The following JAK2 variants were observed in gnomAD, a reference collection of about 807,000 sequenced individuals.
The protein encoded by JAK2 is Janus kinase 2.
In JAK2, 86 loss-of-function variants were observed where a neutral mutation model predicts 139.3. The ratio of observed to expected loss-of-function variants is 0.62; its 90% CI spans 0.52 to 0.74. The LOEUF (loss-of-function observed/expected upper bound fraction) is 0.74. Among genes scored for constraint, JAK2 ranks in the 30% least tolerant of loss-of-function variants. The pLI is 0.00. For missense variants in JAK2, 1,421 were observed against 1,360.3 expected, an observed-to-expected ratio of 1.04 and a Z score of -0.70; for synonymous variants, 490 against 437.7, an observed-to-expected ratio of 1.12 and a Z score of -1.49.
intron 3 of JAK2, among the ~76,000 whole-genome samples, chr9:5,024,738 C>A (rs868568520): frequency 6.6e-6 from 1 of 152,172 alleles, no homozygotes; most frequent in Non-Finnish European, 1.5e-5. Context: ...TGAATATCTT[C>A]TGTGAAGCTG....
chr9:4,996,743 C>T (rs957142840), intron 2 of JAK2, among the ~76,000 whole-genome samples: 2 of 151,522 alleles, frequency 1.3e-5, no homozygotes, highest in Admixed American at 6.6e-5. Context: ...AAGTATTCTG[C>T]GATAATTGGA....
intron 22 of JAK2, among the ~76,000 whole-genome samples, chr9:5,116,529 T>C (rs57220657): frequency 0.11 from 16,263 of 152,210 alleles, 2,737 homozygotes; most frequent in African/African-American, 0.36. Context: ...ATTGTTTTTA[T>C]TGTTTTCAGA....
chr9:5,122,698 G>T, intron 22 of JAK2, among the ~76,000 whole-genome samples: 1 of 151,866 alleles, frequency 6.6e-6, no homozygotes, highest in East Asian at 1.9e-4. Flanking sequence ...GGCACTCTCC[G>T]CCTGGCACAT....
At chr9:5,034,783 G>C (rs1330590106) in intron 4 of JAK2, among the ~76,000 whole-genome samples, 8 of 152,204 alleles carry the variant, frequency 5.3e-5, no homozygotes, top group Admixed American at 3.9e-4. Context: ...ACAAGAGAAA[G>C]CAGGAAAGAT....
intron 22 of JAK2, among the ~76,000 whole-genome samples, chr9:5,118,176 T>C (rs375976813): frequency 5.9e-5 from 9 of 152,086 alleles, no homozygotes; most frequent in African/African-American, 2.2e-4. Flanking sequence ...AACAAATAAA[T>C]AGTGCAGCAA....
chr9:5,001,692 A>G (rs1268331682), intron 2 of JAK2, among the ~76,000 whole-genome samples: 1 of 151,826 alleles, frequency 6.6e-6, no homozygotes, highest in African/African-American at 2.4e-5. Context: ...GCCACATAAA[A>G]TGATTTGGAA....
At chr9:5,090,386 TA>T in intron 20 of JAK2, 59 bp from the exon 21 acceptor site, 1 of 1,223,164 alleles carries the variant, frequency 8.2e-7, no homozygotes, top group Non-Finnish European at 1.1e-6. Flanking sequence ...GATAGTTTTC[TA>T]ATATTTAATC....
chr9:5,017,845 A>G (rs918385073), intron 2 of JAK2, among the ~76,000 whole-genome samples: 1 of 152,200 alleles, frequency 6.6e-6, no homozygotes, highest in East Asian at 1.9e-4. Flanking sequence ...TAGAATTGTT[A>G]TATCCTCTTG....
intron 22 of JAK2, chr9:5,112,063 A>T (rs1206089425): frequency 5.0e-6 from 2 of 404,000 alleles, no homozygotes; most frequent in Non-Finnish European, 9.9e-6. Context: ...GGGGGTCTCC[A>T]CGGCCTGGAG....
At chr9:5,088,427 A>G (rs1250488140) in intron 19 of JAK2, among the ~76,000 whole-genome samples, 2 of 152,216 alleles carry the variant, frequency 1.3e-5, no homozygotes, top group Non-Finnish European at 2.9e-5. Flanking sequence ...TCCAAAATAC[A>G]CTAATTTGAT....
At chr9:5,004,508 A>G (rs1038476378) in intron 2 of JAK2, among the ~76,000 whole-genome samples, 1 of 152,098 alleles carries the variant, frequency 6.6e-6, no homozygotes, top group African/African-American at 2.4e-5. Context: ...TTGTGTACAT[A>G]TGCTGTATTT....
intron 2 of JAK2, among the ~76,000 whole-genome samples, chr9:4,998,252 C>T (rs1413336218): frequency 6.6e-5 from 10 of 151,948 alleles, no homozygotes; most frequent in African/African-American, 1.9e-4. Context: ...AAAACTCCAA[C>T]GGGTTTTTTT....
chr9:5,008,435 C>A (rs1821463445), intron 2 of JAK2, among the ~76,000 whole-genome samples: 1 of 152,114 alleles, frequency 6.6e-6, no homozygotes, highest in East Asian at 1.9e-4. Context: ...AAAGGGCTGG[C>A]ACTTTTGGTG....
In JAK2 at chr9:5,126,712, AC is replaced by A; in HGVS notation, c.3321del (p.Asn1107LysfsTer4). ...EIYMIMTECW[N>X]NNVNQRPSFR... The stretch of plus-strand genomic sequence containing the variant: ...TATATGATCATGACAGAATGCTGGA[AC>A]AATAATGTAAATCAACGCCCCTCCT... On this transcript the variant is annotated frameshift_variant, in exon 25 of 25. Transcript: ENST00000381652. LOFTEE classifies it high-confidence loss of function. The A allele has an allele frequency of 6.2e-7, 1 of 1,610,700 alleles. No individual in the cohort carries two copies.
At chr9:5,002,430 G>T (rs1820979101) in intron 2 of JAK2, among the ~76,000 whole-genome samples, 1 of 151,818 alleles carries the variant, frequency 6.6e-6, no homozygotes. Context: ...TGCAATACTG[G>T]GAGATTTTCT....
Position 5,126,726 on chromosome 9 carries a change from C to A in JAK2, c.3334C>A (p.Gln1112Lys). 1.2e-6 allele frequency: 2 copies of A among 1,611,044 alleles called. No homozygotes were observed. The highest frequency in any genetic ancestry group is 1.1e-5 in the South Asian group (1 of 90,916). ...MTECWNNNVN[Q>K]RPSFRDLALR... ...AGAATGCTGGAACAATAATGTAAAT[C>A]AACGCCCCTCCTTTAGGGATCTAGC... The change falls in exon 25 of 25, where the codon CAA (glutamine) becomes AAA (lysine). Residue 1112 changes from glutamine to lysine, a missense_variant. Coordinates refer to ENST00000381652, the MANE Select transcript of JAK2 (RefSeq NM_004972.4).
intron 5 of JAK2, among the ~76,000 whole-genome samples, chr9:5,044,962 G>C (rs574084680): frequency 6.6e-6 from 1 of 152,252 alleles, no homozygotes. Context: ...CTGATAGTTT[G>C]TTTAGCTGTT....
At position 5,069,971 on chromosome 9, in the gene JAK2, A is replaced by G; in HGVS notation, c.1560A>G (p.Val520=). The G allele has an allele frequency of 1.9e-6, 3 of 1,606,724 alleles. No individual in the cohort carries two copies. The highest frequency in any genetic ancestry group is 2.6e-6 in the Non-Finnish European group (3 of 1,174,346). ...LVFRTNGVSD[V]PTSPTLQRPT... is the part of the protein sequence containing the mutation. ...TCAGAACGAATGGTGTTTCTGATGT[A>G]CCAACCTCACCAACATTACAGAGGC... Residue 520 remains valine, a synonymous_variant, in exon 12 of 25, where the codon GTA becomes GTG. Transcript: ENST00000381652.
At chr9:5,035,682 C>A (rs1427940866) in intron 4 of JAK2, among the ~76,000 whole-genome samples, 2 of 152,152 alleles carry the variant, frequency 1.3e-5, no homozygotes, top group Non-Finnish European at 2.9e-5. Flanking sequence ...ATTCAACAAC[C>A]CTTCATGCTA....
Sources: gnomAD v4.1 joint callset for allele counts (sites outside exome capture counted in the v4.1 genomes callset) on GRCh38, gnomAD v4.1.1 for gene constraint, MANE v1.5 for transcripts, NCBI Gene and HGNC (gene_info 2026-07-23, HGNC 2026-07-21) for gene names.